Variants in ANK1 observed in about 807,000 individuals in gnomAD.
ANK1 encodes ankyrin-1.
Under a neutral mutation model 210.4 loss-of-function variants are expected in ANK1, and 51 were observed. The ratio of observed to expected loss-of-function variants is 0.24; its 90% CI spans 0.19 to 0.31. The LOEUF (loss-of-function observed/expected upper bound fraction) is 0.31. Ranked by LOEUF, ANK1 falls within the 10% of genes least tolerant of loss-of-function variation. ANK1 has a pLI of 1.00. For missense variants in ANK1, 2,051 were observed against 2,504.4 expected (o/e 0.82, Z 3.86); for synonymous variants, 967 against 1,025.9 (o/e 0.94, Z 1.10).
intron 1 of ANK1, among the ~76,000 whole-genome samples, chr8:41,882,083 G>A (rs865898517): frequency 1.3e-5 from 2 of 152,060 alleles, no homozygotes; most frequent in South Asian, 2.1e-4. Flanking sequence ...GCTTCCCCCC[G>A]CCTCTGCCAC....
At chr8:41,861,464 G>C (rs751859846) in intron 1 of ANK1, among the ~76,000 whole-genome samples, 48 of 152,240 alleles carry the variant, frequency 3.2e-4, no homozygotes, top group Non-Finnish European at 5.3e-4. Flanking sequence ...TTTGAGCGTG[G>C]AACTGTAGTT....
intron 20 of ANK1, among the ~76,000 whole-genome samples, chr8:41,702,880 C>T (rs956983456): frequency 2.6e-5 from 4 of 152,096 alleles, no homozygotes; most frequent in Non-Finnish European, 5.9e-5. Flanking sequence ...AGTGCAGTGG[C>T]GTGATCTAGG....
Position 41,694,097 on chromosome 8 carries a change from C to T in ANK1, c.3333G>A (p.Gln1111=). ...TKRVKLALQA[Q]PVPDELVTKL... ...TAGTGACAAGCTCATCCGGGACAGGCTGGGCCTGTGAAATGACAGAGGCAG... is the reference window on the plus strand; with the variant it reads ...TAGTGACAAGCTCATCCGGGACAGGTTGGGCCTGTGAAATGACAGAGGCAG... The change falls in exon 29 of 43, where the codon CAG becomes CAA. Residue 1111 remains glutamine, a synonymous_variant. Transcript: ENST00000289734. This position sits in a 1 kb window ranked among gnomAD's most constrained non-coding sequence, Gnocchi z 5.7. 1 of 1,613,782 alleles carries T rather than the reference C, an allele frequency of 6.2e-7. No individual in the cohort carries two copies. Among genetic ancestry groups the T allele is most frequent in the Non-Finnish European group, 8.5e-7 (1 of 1,179,898 alleles).
chr8:41,662,553 C>T (rs1325709426), intron 40 of ANK1, among the ~76,000 whole-genome samples: 2 of 152,346 alleles, frequency 1.3e-5, no homozygotes, highest in East Asian at 3.9e-4. Context: ...TGCTCTTCCC[C>T]ATTCTACTCC....
chr8:41,706,926 T>A (rs1418715592), intron 17 of ANK1, among the ~76,000 whole-genome samples: 1 of 152,154 alleles, frequency 6.6e-6, no homozygotes, highest in Non-Finnish European at 1.5e-5. Context: ...TGGTGAGACC[T>A]CCATCTTTAC....
intron 1 of ANK1, among the ~76,000 whole-genome samples, chr8:41,822,097 AGAG>A: frequency 5.6e-5 from 3 of 53,428 alleles, no homozygotes; most frequent in African/African-American, 2.8e-4. Flanking sequence ...AGAGAGAGAG[AGAG>A]AGAGAGAGAG....
intron 35 of ANK1, 97 bp from the exon 36 acceptor site, chr8:41,686,380 G>A: frequency 2.0e-6 from 3 of 1,527,700 alleles, no homozygotes; most frequent in Admixed American, 1.7e-5. Flanking sequence ...GGCGTGGGGG[G>A]ACCCAGTGGG....
chr8:41,757,813 C>T (rs1167550872), intron 2 of ANK1, among the ~76,000 whole-genome samples: 48 of 152,248 alleles, frequency 3.2e-4, no homozygotes, highest in Admixed American at 3.0e-3. Flanking sequence ...GGGATCTGTG[C>T]GGGCCTCGCC....
chr8:41,860,954 ACTC>A (rs1813158498), intron 1 of ANK1, among the ~76,000 whole-genome samples: 2 of 151,872 alleles, frequency 1.3e-5, no homozygotes, highest in South Asian at 4.2e-4. Flanking sequence ...CTTCCAGAAA[ACTC>A]CTCTGCCATT....
chr8:41,848,388 A>G (rs1434152971), intron 1 of ANK1, among the ~76,000 whole-genome samples: 2 of 152,166 alleles, frequency 1.3e-5, no homozygotes, highest in Non-Finnish European at 2.9e-5. Flanking sequence ...TAAAATGCGA[A>G]GACCTCACAG....
intron 22 of ANK1, among the ~76,000 whole-genome samples, chr8:41,700,097 G>A (rs1405158722): frequency 6.6e-6 from 1 of 152,182 alleles, no homozygotes; most frequent in East Asian, 1.9e-4. Context: ...CTGGAGCCCC[G>A]GCCCTCGACC....
At position 41,861,863 on chromosome 8, in the gene ANK1, C is replaced by T. The variant is rs190167869; in HGVS notation, c.126+34492G>A. ...ACTCACATTGAACTTTCTGAGCACG[C>T]CTTCTTAGAAAACACACTCAGCCAC... On this transcript the variant is annotated intron_variant, in intron 1 of 42. Coordinates refer to the ANK1 transcript ENST00000265709. Among the ~76,000 whole-genome samples, 51 of 152,338 alleles carry T rather than the reference C, an allele frequency of 3.3e-4. No homozygotes were observed. In the East Asian group the frequency reaches 4.8e-3, roughly 14 times the overall value.
intron 1 of ANK1, among the ~76,000 whole-genome samples, chr8:41,791,577 G>A (rs528066874): frequency 4.6e-5 from 7 of 152,100 alleles, no homozygotes; most frequent in Non-Finnish European, 7.4e-5. Context: ...GACTACAGGC[G>A]CACGCCACCA....
At chr8:41,726,426 G>C (rs564038720) in intron 5 of ANK1, among the ~76,000 whole-genome samples, 1 of 152,102 alleles carries the variant, frequency 6.6e-6, no homozygotes, top group African/African-American at 2.4e-5. Context: ...GTCTCACTCT[G>C]TCACTCAGGT....
Position 41,745,047 on chromosome 8 carries a change from A to G in ANK1, c.130-10978T>C, listed in dbSNP as rs183574006. On this transcript the variant is annotated intron_variant, in intron 2 of 42. Coordinates refer to ENST00000289734, the MANE Select transcript of ANK1 (RefSeq NM_000037.4). ...CTGGAGAGATTTCTGAACCAGAGAAAGAGAGACAGAAAAAGGTGGAGGGGA... is the reference window on the plus strand; with the variant it reads ...CTGGAGAGATTTCTGAACCAGAGAAGGAGAGACAGAAAAAGGTGGAGGGGA... Among the ~76,000 whole-genome samples, 78 of 151,182 alleles carry G rather than the reference A, an allele frequency of 5.2e-4. No individual in the cohort carries two copies. In the East Asian group the frequency reaches 9.9e-3, roughly 19 times the overall value.
At chr8:41,789,263 T>G (rs1422730091) in intron 1 of ANK1, 2 of 152,252 alleles carry the variant, frequency 1.3e-5, no homozygotes, top group African/African-American at 4.8e-5. Context: ...TCCAGAGTTC[T>G]TAGAAGGTTA....
Position 41,848,435 on chromosome 8 carries a change from C to T in ANK1, c.126+47920G>A, listed in dbSNP as rs137941512. 2.0e-3 allele frequency among the ~76,000 whole-genome samples: 299 copies of T among 152,310 alleles called. 1 individual carries two copies. Among genetic ancestry groups the T allele is most frequent in the Admixed American group, 3.6e-3 (55 of 15,308 alleles). ...AGCGTGAAGCATTAACAGTCACTCA[C>T]GCCTGCGTGCAGCACCATTGGTCCC... On this transcript the variant is annotated intron_variant, in intron 1 of 42. Transcript: ENST00000265709.
At chr8:41,788,746 C>T (rs1371054043) in intron 1 of ANK1, 1 of 152,180 alleles carries the variant, frequency 6.6e-6, no homozygotes, top group Non-Finnish European at 1.5e-5. Context: ...CCAGTGACCC[C>T]TCTTCATCAG....
At chr8:41,802,962 AG>A (rs1850150504) in intron 1 of ANK1, among the ~76,000 whole-genome samples, 1 of 95,480 alleles carries the variant, frequency 1.0e-5, no homozygotes, top group Non-Finnish European at 2.3e-5. Flanking sequence ...GGGGGGGGAG[AG>A]AGAGAGAGAT....
Sources: allele counts gnomAD v4.1 joint callset (sites outside exome capture counted in the v4.1 genomes callset), GRCh38; gene constraint gnomAD v4.1.1; non-coding constraint Gnocchi (gnomAD v3.1); transcripts MANE v1.5; gene names NCBI Gene and HGNC (gene_info 2026-07-23, HGNC 2026-07-21).